RASGRF2: variants seen among roughly 807,000 people sequenced by gnomAD.
RASGRF2 encodes ras-specific guanine nucleotide-releasing factor 2.
A neutral mutation model predicts 151.0 loss-of-function variants in RASGRF2; 76 were observed. That is an observed-to-expected ratio of 0.50 (90% CI 0.42 to 0.61). The LOEUF (loss-of-function observed/expected upper bound fraction) is 0.61. Ranked by LOEUF, RASGRF2 falls within the 20% of genes least tolerant of loss-of-function variation. RASGRF2 has a pLI of 0.00. For missense variants in RASGRF2, 1,148 were observed against 1,564.6 expected, an observed-to-expected ratio of 0.73 and a Z score of 4.49; for synonymous variants, 504 against 566.5, an observed-to-expected ratio of 0.89 and a Z score of 1.57.
At chr5:81,183,756 T>C (rs995757006) in intron 18 of RASGRF2, among the ~76,000 whole-genome samples, 14 of 152,206 alleles carry the variant, frequency 9.2e-5, no homozygotes, top group Admixed American at 9.2e-4. Flanking sequence ...CTGTAGCTCC[T>C]GTGGGGCCCC....
chr5:81,179,248 T>C (rs757642117), intron 17 of RASGRF2, among the ~76,000 whole-genome samples: 3 of 152,222 alleles, frequency 2.0e-5, no homozygotes, highest in African/African-American at 4.8e-5. Context: ...TGAATCAAGA[T>C]TGATTTGTAA....
chr5:81,217,654 A>G (rs1755772563), intron 25 of RASGRF2, among the ~76,000 whole-genome samples, 181 bp downstream of exon 25: 1 of 132,082 alleles, frequency 7.6e-6, no homozygotes, highest in African/African-American at 2.9e-5. Context: ...ATCTCTGCTC[A>G]CTGCAACCTC....
intron 1 of RASGRF2, among the ~76,000 whole-genome samples, chr5:81,015,540 T>A (rs925185575): frequency 6.6e-6 from 1 of 152,210 alleles, no homozygotes; most frequent in South Asian, 2.1e-4. Flanking sequence ...TTCTGGTGTT[T>A]TATAATTTTT....
chr5:81,143,382 A>G (rs1277622827), intron 17 of RASGRF2, among the ~76,000 whole-genome samples: 1 of 151,916 alleles, frequency 6.6e-6, no homozygotes, highest in Non-Finnish European at 1.5e-5. Context: ...TCCTGACCTC[A>G]GGTGATCCAC....
chr5:81,003,385 C>G lies in RASGRF2; in HGVS notation c.289-39492C>G, dbSNP rs576647030. 7.4e-4 allele frequency among the ~76,000 whole-genome samples: 112 copies of G among 152,182 alleles called. 1 individual carries two copies. The highest frequency in any genetic ancestry group is 3.4e-3 in the Middle Eastern group (1 of 294). ...CTACAGGTGCCCACCACCACGCCCA[C>G]CTAATTTTTTTGTATTTTTAGTAGA... On this transcript the variant is annotated intron_variant, in intron 1 of 26. Transcript: ENST00000265080.
chr5:81,218,348 TTAATC>T (rs925782763), intron 25 of RASGRF2, among the ~76,000 whole-genome samples: 1 of 152,258 alleles, frequency 6.6e-6, no homozygotes, highest in Non-Finnish European at 1.5e-5. Context: ...GTTTAAGTCT[TTAATC>T]TATCTTGAGT....
chr5:81,201,459 A>G lies in RASGRF2; in HGVS notation c.2906+17A>G. 1.2e-6 allele frequency: 2 copies of G among 1,606,186 alleles called. No homozygotes were observed. Among genetic ancestry groups the G allele is most frequent in the South Asian group, 1.1e-5 (1 of 90,296 alleles). On this transcript the variant is annotated intron_variant, in intron 19 of 26. Transcript: ENST00000265080. ...TATCCTCAGGTGAAGGCAGCTGAAG[A>G]TGCCGACTGGATGACATTGGTTGAT... is the stretch of plus-strand genomic sequence containing the variant.
intron 1 of RASGRF2, among the ~76,000 whole-genome samples, chr5:81,038,168 A>G (rs1408168072): frequency 6.6e-6 from 1 of 152,090 alleles, no homozygotes. Flanking sequence ...TAATTATGAA[A>G]TGTGAATATG....
At chr5:81,025,593 C>T (rs1749990996) in intron 1 of RASGRF2, among the ~76,000 whole-genome samples, 1 of 152,174 alleles carries the variant, frequency 6.6e-6, no homozygotes, top group Non-Finnish European at 1.5e-5. Flanking sequence ...TTTTAGCCAC[C>T]TCCTTTCCAA....
chr5:81,208,534 C>CTTTTTTTTTTTTTTTTTTT (rs71000806), intron 22 of RASGRF2, 96 bp downstream of exon 22: 1 of 233,326 alleles, frequency 4.3e-6, no homozygotes, highest in African/African-American at 4.4e-5. Flanking sequence ...CTGTCACCCA[C>CTTTTTTTTTTTTTTTTTTT]TTTTTTTTTT....
In RASGRF2 at chr5:81,067,982, T is replaced by C. The variant is rs759954396; in HGVS notation, c.396-50T>C. On this transcript the variant is annotated intron_variant, in intron 2 of 26. Transcript: ENST00000265080. The stretch of plus-strand genomic sequence containing the variant: ...GCATATTATATTCTATATGGAACTC[T>C]ATATAGTAGAACAATATCTCAATGA... The C allele has an allele frequency of 9.5e-6, 14 of 1,476,854 alleles. No homozygotes were observed. The African/African-American group carries it at 1.8e-4, about 19-fold the overall frequency. The allele number at this position is 1,476,854 out of a possible 1,614,324, so 91.5% of individuals were successfully genotyped here.
At chr5:81,080,423 G>C (rs965803390) in intron 6 of RASGRF2, among the ~76,000 whole-genome samples, 173 bp from the exon 7 acceptor site, 3 of 152,098 alleles carry the variant, frequency 2.0e-5, no homozygotes, top group African/African-American at 7.2e-5. Flanking sequence ...TTTGGGGCTG[G>C]AGTCAAGTGC....
chr5:81,084,139 A>G (rs963874937), intron 7 of RASGRF2, among the ~76,000 whole-genome samples: 2 of 152,198 alleles, frequency 1.3e-5, no homozygotes, highest in Admixed American at 1.3e-4. Context: ...GAGCACTTTA[A>G]AAGAAATTTA....
chr5:80,996,273 G>C (rs1282042140), intron 1 of RASGRF2, among the ~76,000 whole-genome samples: 1 of 151,822 alleles, frequency 6.6e-6, no homozygotes, highest in Non-Finnish European at 1.5e-5. Flanking sequence ...TTCAGGAGTG[G>C]AGATCAGGCA....
At chr5:81,223,382 C>T (rs1232540520) in intron 26 of RASGRF2, 1 of 63,970 alleles carries the variant, frequency 1.6e-5, no homozygotes, top group East Asian at 2.6e-4. Flanking sequence ...TGGCTCACGC[C>T]TGTAATCCCA....
At position 81,181,571 on chromosome 5, in the gene RASGRF2, A is replaced by G. The variant is rs151126633; in HGVS notation, c.2793+1290A>G. ...GCTGCTGGTAAATCCATTTTGCCTC[A>G]CTGCAGATAAAACACTATAATGAGT... On this transcript the variant is annotated intron_variant, in intron 18 of 26. Coordinates refer to ENST00000265080, the MANE Select transcript of RASGRF2 (RefSeq NM_006909.3). 4.2e-3 allele frequency among the ~76,000 whole-genome samples: 640 copies of G among 152,288 alleles called. 5 individuals carry two copies. The highest frequency in any genetic ancestry group is 0.015 in the African/African-American group (628 of 41,540).
At chr5:81,095,424 C>T (rs560293668) in intron 12 of RASGRF2, among the ~76,000 whole-genome samples, 14 of 152,168 alleles carry the variant, frequency 9.2e-5, no homozygotes, top group Non-Finnish European at 2.1e-4. Flanking sequence ...AAAGAGACAC[C>T]GTCTCTAGTA....
At chr5:81,143,473 A>C (rs188900663) in intron 17 of RASGRF2, among the ~76,000 whole-genome samples, 1 of 152,332 alleles carries the variant, frequency 6.6e-6, no homozygotes, top group Admixed American at 6.5e-5. Flanking sequence ...ATTTTTTAAT[A>C]ATAACATACA....
At chr5:81,152,996 C>T (rs1754171655) in intron 17 of RASGRF2, among the ~76,000 whole-genome samples, 1 of 152,040 alleles carries the variant, frequency 6.6e-6, no homozygotes. Context: ...GGAACATCAA[C>T]ATTGCAACTA....
Sources: allele counts gnomAD v4.1 joint callset (sites outside exome capture counted in the v4.1 genomes callset), GRCh38; gene constraint gnomAD v4.1.1; transcripts MANE v1.5; gene names NCBI Gene and HGNC (gene_info 2026-07-23, HGNC 2026-07-21).